KDSR: variants seen among roughly 807,000 people sequenced by gnomAD.
KDSR encodes the protein 3-ketodihydrosphingosine reductase.
In KDSR, 23 loss-of-function variants were observed where a neutral mutation model predicts 41.3. That is an observed-to-expected ratio of 0.56 (90% CI 0.40 to 0.79). The LOEUF is 0.79. Ranked by LOEUF, KDSR falls within the 30% of genes least tolerant of loss-of-function variation. The pLI is 0.00. For missense variants in KDSR, 351 were observed against 416.8 expected (o/e 0.84, Z 1.37); for synonymous variants, 138 against 151.7 (o/e 0.91, Z 0.66).
rs1439765131 is a variant in KDSR, at chr18:63,327,938, C to T, written c.*3844G>A. Reference sequence around the variant, plus strand: ...GTAAAATATAATAGCTACTATCTCCCCTTCAAAATTGCAAATCCACAGTTA... The same window carrying T: ...GTAAAATATAATAGCTACTATCTCCTCTTCAAAATTGCAAATCCACAGTTA... On this transcript the variant is annotated 3_prime_UTR_variant, in exon 10 of 10. Coordinates refer to ENST00000645214, the MANE Select transcript of KDSR (RefSeq NM_002035.4). 1 of 203,212 alleles carries T rather than the reference C, an allele frequency of 4.9e-6. No individual in the cohort carries two copies. The highest frequency in any genetic ancestry group is 1.9e-4 in the South Asian group (1 of 5,256). 12.6% of individuals were successfully genotyped at this position (203,212 alleles called of 1,614,324 possible).
Position 63,329,541 on chromosome 18 carries a change from T to G in KDSR, c.*2241A>C. 1 of 201,524 alleles carries G rather than the reference T, an allele frequency of 5.0e-6. No homozygotes were observed. The highest frequency in any genetic ancestry group is 1.0e-5 in the Non-Finnish European group (1 of 97,814). 12.5% of individuals were successfully genotyped at this position (201,524 alleles called of 1,614,324 possible). A position where few individuals can be genotyped will look rare whatever the true frequency, so the allele number is the denominator to read the frequency against. On this transcript the variant is annotated 3_prime_UTR_variant, in exon 10 of 10. Transcript: ENST00000645214. Reference sequence around the variant, plus strand: ...ACATCTCTGACAAGGAAATTTCTTCTCTGACATGATGGTCTCTGCAAATCT... The same window carrying G: ...ACATCTCTGACAAGGAAATTTCTTCGCTGACATGATGGTCTCTGCAAATCT...
At chr18:63,335,580 G>A (rs1304199317) in intron 8 of KDSR, 1 of 493,760 alleles carries the variant, frequency 2.0e-6, no homozygotes, top group East Asian at 3.4e-5. Flanking sequence ...ACAAATGATT[G>A]TCCTAATAAC....
chr18:63,345,121 A>G (rs568587475), intron 6 of KDSR: 1 of 152,556 alleles, frequency 6.6e-6, no homozygotes, highest in Admixed American at 6.5e-5. Flanking sequence ...CCTCCACTGA[A>G]CCAACAAGAA....
chr18:63,359,752 G>A lies in KDSR; in HGVS notation c.239C>T (p.Ser80Phe). The change falls in exon 3 of 10, where the codon TCT (serine) becomes TTT (phenylalanine). Residue 80 changes from serine to phenylalanine, a missense_variant. Coordinates refer to ENST00000645214, the MANE Select transcript of KDSR (RefSeq NM_002035.4). ...LQAKKEIEMHSINDKQVVLCI... is the reference protein window; with the variant it reads ...LQAKKEIEMHFINDKQVVLCI... ...GAGATTTACCTGTTTGTCATTAATA[G>A]AGTGCATTTCAATTTCTTTCTTTGC... The A allele has an allele frequency of 6.2e-7, 1 of 1,606,016 alleles. No homozygotes were observed. Among genetic ancestry groups the A allele is most frequent in the Non-Finnish European group, 8.5e-7 (1 of 1,173,726 alleles).
At chr18:63,357,528 TTA>T (rs530581945) in intron 3 of KDSR, among the ~76,000 whole-genome samples, 14 of 144,006 alleles carry the variant, frequency 9.7e-5, no homozygotes, top group Admixed American at 2.8e-4. Context: ...ATTTTTAAAA[TTA>T]TATATATATA....
At chr18:63,337,478 A>G (rs994214674) in intron 8 of KDSR, among the ~76,000 whole-genome samples, 3 of 152,238 alleles carry the variant, frequency 2.0e-5, no homozygotes, top group African/African-American at 7.2e-5. Flanking sequence ...AATATGGCAA[A>G]TATCAATAAA....
At chr18:63,345,888 G>C (rs1427266089) in intron 6 of KDSR, 1 of 151,322 alleles carries the variant, frequency 6.6e-6, no homozygotes, top group Non-Finnish European at 1.5e-5. Flanking sequence ...GTTGCAGTGA[G>C]TTGAGATCGT....
At chr18:63,357,157 C>T (rs963424186) in intron 3 of KDSR, among the ~76,000 whole-genome samples, 2 of 152,042 alleles carry the variant, frequency 1.3e-5, no homozygotes, top group African/African-American at 2.4e-5. Context: ...CAAAACTCAT[C>T]AGAAAGGCAA....
At chr18:63,349,729 T>C (rs1032272457) in intron 6 of KDSR, among the ~76,000 whole-genome samples, 4 of 152,234 alleles carry the variant, frequency 2.6e-5, no homozygotes, top group African/African-American at 9.6e-5. Flanking sequence ...TCTTATGGGG[T>C]CTTCTAAACA....
intron 6 of KDSR, among the ~76,000 whole-genome samples, 171 bp downstream of exon 6, chr18:63,350,717 T>C (rs1480309276): frequency 4.6e-5 from 7 of 152,216 alleles, no homozygotes; most frequent in Admixed American, 4.6e-4. Flanking sequence ...CTTCATGCAA[T>C]GAAAAATGTT....
In KDSR at chr18:63,331,334, G is replaced by C. The variant is rs2850766; in HGVS notation, c.*448C>G. On this transcript the variant is annotated 3_prime_UTR_variant, in exon 10 of 10. Coordinates refer to ENST00000645214, the MANE Select transcript of KDSR (RefSeq NM_002035.4). Reference sequence around the variant, plus strand: ...ACAGAGAGACAGAGAGACAGAGAGAGAGAGAGAGAGAACCCGAGAAACCGA... The same window carrying C: ...ACAGAGAGACAGAGAGACAGAGAGACAGAGAGAGAGAACCCGAGAAACCGA... 1.2e-3 allele frequency: 148 copies of C among 120,144 alleles called. No homozygotes were observed. The highest frequency in any genetic ancestry group is 0.01 in the Middle Eastern group (4 of 398). 7.4% of individuals were successfully genotyped at this position (120,144 alleles called of 1,614,324 possible). A position where few individuals can be genotyped will look rare whatever the true frequency, so the allele number is the denominator to read the frequency against.
Position 63,338,920 on chromosome 18 carries a change from A to T in KDSR, c.694-37T>A. On this transcript the variant is annotated intron_variant, in intron 7 of 9. Transcript: ENST00000645214. ...AAAACATGTACATAACAATATCATG[A>T]TTGCCCATTACATTAAAAATAAATT... 2.6e-6 allele frequency: 3 copies of T among 1,163,336 alleles called. No homozygotes were observed. In the Middle Eastern group the frequency reaches 5.9e-4, roughly 228 times the overall value. 72.1% of individuals were successfully genotyped at this position (1,163,336 alleles called of 1,614,324 possible). A position where few individuals can be genotyped will look rare whatever the true frequency, so the allele number is the denominator to read the frequency against.
chr18:63,345,563 T>A (rs983621823), intron 6 of KDSR: 2 of 152,220 alleles, frequency 1.3e-5, no homozygotes, highest in African/African-American at 2.4e-5. Context: ...GAGAGGCAGC[T>A]GATAGATCAG....
chr18:63,341,966 C>A (rs1914350802), intron 7 of KDSR, among the ~76,000 whole-genome samples: 1 of 134,790 alleles, frequency 7.4e-6, no homozygotes, highest in Non-Finnish European at 1.6e-5. Context: ...GAGTTGGAGA[C>A]CAGCCTGGCC....
intron 4 of KDSR, 50 bp from the exon 5 acceptor site, chr18:63,355,349 C>G: frequency 6.2e-7 from 1 of 1,604,006 alleles, no homozygotes; most frequent in South Asian, 1.1e-5. Context: ...AGAAAAACCA[C>G]TCAGCAGCAA....
intron 5 of KDSR, among the ~76,000 whole-genome samples, chr18:63,352,929 G>A (rs182429707): frequency 2.0e-5 from 3 of 151,584 alleles, no homozygotes; most frequent in African/African-American, 7.3e-5. Flanking sequence ...CACTTTGGGA[G>A]GCCAAGGTAG....
chr18:63,346,895 A>G (rs1914519917), intron 6 of KDSR, among the ~76,000 whole-genome samples: 1 of 152,218 alleles, frequency 6.6e-6, no homozygotes, highest in East Asian at 1.9e-4. Context: ...AAATCTGAAT[A>G]TACTAAACCA....
chr18:63,361,610 T>C (rs1013890003), intron 2 of KDSR, among the ~76,000 whole-genome samples: 1 of 151,890 alleles, frequency 6.6e-6, no homozygotes, highest in Admixed American at 6.6e-5. Flanking sequence ...AGGTCAGGAG[T>C]TCCAGACCAG....
chr18:63,367,051 A>G lies in KDSR; in HGVS notation c.68T>C (p.Ile23Thr), dbSNP rs2060903217. ...VLLLYMVSPL[I>T]SPKPLALPGA... Reference sequence around the variant, plus strand: ...GGGCAGGGCGAGGGGCTTGGGGCTGATGAGCGGAGACACCATGTACAGCAG... The same window carrying G: ...GGGCAGGGCGAGGGGCTTGGGGCTGGTGAGCGGAGACACCATGTACAGCAG... Residue 23 changes from isoleucine (I) to threonine (T), a missense_variant, in exon 1 of 10, where the codon ATC becomes ACC. Physicochemically the swap from Ile to Thr is moderately conservative, Grantham distance 89 (BLOSUM62 -1). Coordinates refer to ENST00000645214, the MANE Select transcript of KDSR (RefSeq NM_002035.4). 7.5e-7 allele frequency: 1 copy of G among 1,328,184 alleles called. No individual in the cohort carries two copies. Among genetic ancestry groups the G allele is most frequent in the Non-Finnish European group, 9.7e-7 (1 of 1,031,898 alleles). The allele number at this position is 1,328,184 out of a possible 1,614,324, so 82.3% of individuals were successfully genotyped here.
Sources: allele counts gnomAD v4.1 joint callset (sites outside exome capture counted in the v4.1 genomes callset), GRCh38; gene constraint gnomAD v4.1.1; transcripts MANE v1.5; gene names NCBI Gene and HGNC (gene_info 2026-07-23, HGNC 2026-07-21).